ANKS1B: variants seen among roughly 807,000 people sequenced by gnomAD.
The protein encoded by ANKS1B is ankyrin repeat and sterile alpha motif domain-containing protein 1B.
Under a neutral mutation model 148.3 loss-of-function variants are expected in ANKS1B, and 36 were observed. That is an observed-to-expected ratio of 0.24 (90% CI 0.19 to 0.32). The LOEUF (loss-of-function observed/expected upper bound fraction) is 0.32, where lower values mean the gene tolerates loss of function less well. ANKS1B is among the 10% of genes least tolerant of loss of function. The pLI is 1.00. For synonymous variants in ANKS1B, 542 were observed against 560.8 expected (o/e 0.97, Z 0.47); for missense variants, 1,157 against 1,542.6 (o/e 0.75, Z 4.19).
chr12:99,188,332 A>C (rs1312070469), intron 14 of ANKS1B, among the ~76,000 whole-genome samples: 1 of 152,086 alleles, frequency 6.6e-6, no homozygotes, highest in Non-Finnish European at 1.5e-5. Flanking sequence ...ACTCAGCTGT[A>C]GAACAAGCAG....
intron 14 of ANKS1B, among the ~76,000 whole-genome samples, chr12:99,201,924 C>CATTCATTA (rs1383573963): frequency 6.6e-6 from 1 of 151,932 alleles, no homozygotes; most frequent in African/African-American, 2.4e-5. Flanking sequence ...TATTTGACTT[C>CATTCATTA]ATTCATTCAT....
chr12:99,835,248 CA>C (rs1191460160), intron 1 of ANKS1B, among the ~76,000 whole-genome samples: 2,992 of 86,986 alleles, frequency 0.034, 73 homozygotes, highest in African/African-American at 0.1. Context: ...CCCATCTCTA[CA>C]AAAAAAAAAA....
rs1566900894 is a variant in ANKS1B, at chr12:99,327,312, T to TA, written c.1756+72318_1756+72319insT. 7.1e-3 allele frequency among the ~76,000 whole-genome samples: 847 copies of TA among 119,196 alleles called. 19 individuals carry two copies. Among genetic ancestry groups the TA allele is most frequent in the African/African-American group, 0.029 (807 of 27,592 alleles). 78.2% of individuals were successfully genotyped at this position (119,196 alleles called of 152,430 possible). A position where few individuals can be genotyped will look rare whatever the true frequency, so the allele number is the denominator to read the frequency against. On this transcript the variant is annotated intron_variant, in intron 12 of 26. Coordinates refer to ENST00000683438, the MANE Select transcript of ANKS1B (RefSeq NM_001352186.2). ...AACATATAAAATATGTAATTATATA[T>TA]TATAATTACATATTATATATAATTA...
rs373115233 is a variant in ANKS1B, at chr12:99,776,197, A to G, written c.848-536T>C. On this transcript the variant is annotated intron_variant, in intron 6 of 26. Transcript: ENST00000683438. ...TTATTTCCACAAAGAAATAATGTTCATTGCCATTATTCTTGAAGTAATGTC... is the reference window on the plus strand; with the variant it reads ...TTATTTCCACAAAGAAATAATGTTCGTTGCCATTATTCTTGAAGTAATGTC... Among the ~76,000 whole-genome samples, 316 of 152,302 alleles carry G rather than the reference A, an allele frequency of 2.1e-3. 1 individual carries two copies. Among genetic ancestry groups the G allele is most frequent in the African/African-American group, 7.0e-3 (292 of 41,574 alleles).
At chr12:98,737,667 A>G (rs367590971) in intron 9 of ANKS1B, among the ~76,000 whole-genome samples, 3 of 152,302 alleles carry the variant, frequency 2.0e-5, no homozygotes, top group African/African-American at 7.2e-5. Flanking sequence ...TAAGGATATC[A>G]TGAGGCTGTC....
intron 17 of ANKS1B, among the ~76,000 whole-genome samples, chr12:99,007,689 C>T (rs574303534): frequency 6.6e-6 from 1 of 152,226 alleles, no homozygotes; most frequent in African/African-American, 2.4e-5. Context: ...ACTCTTTCAC[C>T]TTGGAGAGTG....
intron 17 of ANKS1B, among the ~76,000 whole-genome samples, chr12:99,015,035 A>T (rs745330995): frequency 2.0e-5 from 3 of 152,242 alleles, no homozygotes; most frequent in Non-Finnish European, 4.4e-5. Context: ...CCAAAGGAAT[A>T]TAAATCATTC....
At chr12:99,821,159 T>G (rs1342126473) in intron 2 of ANKS1B, among the ~76,000 whole-genome samples, 1 of 151,970 alleles carries the variant, frequency 6.6e-6, no homozygotes, top group Non-Finnish European at 1.5e-5. Flanking sequence ...ATGGAGAATA[T>G]CAAGCCAATC....
chr12:98,777,497 TC>T (rs2098691324), intron 24 of ANKS1B, among the ~76,000 whole-genome samples: 2 of 152,186 alleles, frequency 1.3e-5, no homozygotes, highest in African/African-American at 4.8e-5. Flanking sequence ...AAGACCTCCC[TC>T]CCCGACTCCC....
intron 10 of ANKS1B, among the ~76,000 whole-genome samples, chr12:99,461,838 T>G (rs1352948596): frequency 6.6e-6 from 1 of 152,232 alleles, no homozygotes; most frequent in East Asian, 1.9e-4. Context: ...TATTTCATTA[T>G]GAACAGCAAC....
chr12:99,266,900 G>A (rs1412426219), intron 12 of ANKS1B, among the ~76,000 whole-genome samples: 1 of 152,152 alleles, frequency 6.6e-6, no homozygotes, highest in African/African-American at 2.4e-5. Flanking sequence ...CTAGGTAGCT[G>A]AGCAATAGTC....
intron 14 of ANKS1B, among the ~76,000 whole-genome samples, chr12:99,155,680 A>C (rs2075954009): frequency 2.6e-5 from 4 of 152,184 alleles, no homozygotes; most frequent in Admixed American, 2.6e-4. Flanking sequence ...TAAGAATAGA[A>C]CCCACAGGAC....
At chr12:99,052,666 T>G (rs922475557) in intron 17 of ANKS1B, among the ~76,000 whole-genome samples, 2 of 130,234 alleles carry the variant, frequency 1.5e-5, no homozygotes, top group South Asian at 2.5e-4. Flanking sequence ...AAGCGGAGCT[T>G]GCAGTGAGCC....
At chr12:99,345,107 AAATGGAGCCAATTTT>A (rs760423882) in intron 12 of ANKS1B, 2 of 152,084 alleles carry the variant, frequency 1.3e-5, no homozygotes, top group Non-Finnish European at 2.9e-5. Flanking sequence ...AGGTGATTTA[AAATGGAGCCAATTTT>A]AGGTGTCAGA....
chr12:99,256,422 A>G (rs1260790639), intron 12 of ANKS1B, among the ~76,000 whole-genome samples: 2 of 152,104 alleles, frequency 1.3e-5, no homozygotes, highest in African/African-American at 2.4e-5. Context: ...ATCAGGTGTT[A>G]TTATTTTATT....
intron 1 of ANKS1B, among the ~76,000 whole-genome samples, chr12:99,898,829 G>GTGATGA (rs576024840): frequency 3.3e-5 from 5 of 151,824 alleles, no homozygotes; most frequent in South Asian, 4.2e-4. Context: ...TAACAAGATG[G>GTGATGA]TGATGATGAT....
intron 22 of ANKS1B, among the ~76,000 whole-genome samples, chr12:98,787,524 A>G (rs574850422): frequency 6.6e-6 from 1 of 152,330 alleles, no homozygotes; most frequent in African/African-American, 2.4e-5. Flanking sequence ...GCTAAGTACC[A>G]GCAGTTTCAT....
intron 17 of ANKS1B, among the ~76,000 whole-genome samples, chr12:98,936,083 T>C (rs1030665302): frequency 2.6e-5 from 4 of 152,184 alleles, no homozygotes; most frequent in Admixed American, 2.0e-4. Flanking sequence ...TCGATTTTAG[T>C]GGTTAGCACA....
chr12:98,907,696 C>T (rs1424635567), intron 17 of ANKS1B, among the ~76,000 whole-genome samples: 1 of 152,088 alleles, frequency 6.6e-6, no homozygotes, highest in Non-Finnish European at 1.5e-5. Context: ...TTGGCTATGT[C>T]CCCACCCAAA....
Sources: gnomAD v4.1 joint callset for allele counts (sites outside exome capture counted in the v4.1 genomes callset) on GRCh38, gnomAD v4.1.1 for gene constraint, MANE v1.5 for transcripts, NCBI Gene and HGNC (gene_info 2026-07-23, HGNC 2026-07-21) for gene names.